Variants in ABLIM3 observed in about 807,000 individuals in gnomAD.
The protein encoded by ABLIM3 is actin binding LIM protein family member 3.
Under a neutral mutation model 109.5 loss-of-function variants are expected in ABLIM3, and 61 were observed. That is an observed-to-expected ratio of 0.56 (90% CI 0.45 to 0.69). The LOEUF is 0.69. Ranked by LOEUF, ABLIM3 falls within the 30% of genes least tolerant of loss-of-function variation. The pLI is 0.00. For synonymous variants in ABLIM3, 300 were observed against 324.8 expected, an observed-to-expected ratio of 0.92 and a Z score of 0.82; for missense variants, 796 against 889.5, an observed-to-expected ratio of 0.89 and a Z score of 1.34.
rs1755068333 is a variant in ABLIM3, at chr5:149,168,761, A to G, written c.14-14691A>G. Reference sequence around the variant, plus strand: ...GGATATTGGCACATGATATGGTGACAGCGCTTTTGATACACATTAGTATCA... The same window carrying G: ...GGATATTGGCACATGATATGGTGACGGCGCTTTTGATACACATTAGTATCA... On this transcript the variant is annotated intron_variant, in intron 2 of 23. Coordinates refer to ENST00000309868, the MANE Select transcript of ABLIM3 (RefSeq NM_014945.5). Among the ~76,000 whole-genome samples, 3 of 152,348 alleles carry G rather than the reference A, an allele frequency of 2.0e-5. No homozygotes were observed. In the South Asian group the frequency reaches 6.2e-4, roughly 32 times the overall value.
chr5:149,260,526 G>A lies in ABLIM3; in HGVS notation c.*2122G>A, dbSNP rs971063293. On this transcript the variant is annotated 3_prime_UTR_variant, in exon 24 of 24. Transcript: ENST00000309868. Reference sequence around the variant, plus strand: ...ACCCTGCACATTTTTCAAAATGAAAGCACCAAAACAGCAGCCACTCCTTTG... The same window carrying A: ...ACCCTGCACATTTTTCAAAATGAAAACACCAAAACAGCAGCCACTCCTTTG... The A allele has an allele frequency of 1.3e-5, 2 of 152,478 alleles. No homozygotes were observed. Among genetic ancestry groups the A allele is most frequent in the African/African-American group, 4.8e-5 (2 of 41,404 alleles). 9.4% of individuals were successfully genotyped at this position (152,478 alleles called of 1,614,324 possible).
intron 19 of ABLIM3, among the ~76,000 whole-genome samples, chr5:149,250,085 C>T (rs970922118): frequency 1.3e-5 from 2 of 152,248 alleles, no homozygotes; most frequent in African/African-American, 2.4e-5. Context: ...ACCTCTTCCA[C>T]CACCTGGGAG....
intron 4 of ABLIM3, 117 bp from the exon 5 acceptor site, chr5:149,200,199 G>A (rs1220985138): frequency 2.1e-5 from 17 of 812,518 alleles, no homozygotes; most frequent in Admixed American, 6.1e-5. Flanking sequence ...TTGAATTTGC[G>A]TGGTGCTCTA....
At chr5:149,252,167 C>T (rs1312846209) in intron 21 of ABLIM3, 34 bp from the exon 22 acceptor site, 1 of 1,613,370 alleles carries the variant, frequency 6.2e-7, no homozygotes, top group Non-Finnish European at 8.5e-7. Context: ...TGATGGGCTC[C>T]ATTCTGTGTG....
At chr5:149,236,990 A>G (rs1043493591) in intron 10 of ABLIM3, among the ~76,000 whole-genome samples, 6 of 152,140 alleles carry the variant, frequency 3.9e-5, no homozygotes, top group African/African-American at 1.4e-4. Context: ...TACCATCTTC[A>G]TCTTCTTCTT....
At chr5:149,143,743 G>C (rs1752691193) in intron 2 of ABLIM3, among the ~76,000 whole-genome samples, 1 of 152,116 alleles carries the variant, frequency 6.6e-6, no homozygotes, top group East Asian at 1.9e-4. Flanking sequence ...TGGTGTTTTG[G>C]CTTCATACCA....
At position 149,210,759 on chromosome 5, in the gene ABLIM3, T is replaced by G. The variant is rs1759461763; in HGVS notation, c.609T>G (p.His203Gln). The G allele has an allele frequency of 6.2e-7, 1 of 1,614,140 alleles. No individual in the cohort carries two copies. Among genetic ancestry groups the G allele is most frequent in the East Asian group, 2.2e-5 (1 of 44,886 alleles). ...TTCCATACTGTGAGTCCGACTACCATGCCCAGTTTGGCATTAAATGTGAGA... is the reference window on the plus strand; with the variant it reads ...TTCCATACTGTGAGTCCGACTACCAGGCCCAGTTTGGCATTAAATGTGAGA... ...DGVPYCESDY[H>Q]AQFGIKCETC... is the part of the protein sequence containing the mutation. Residue 203 changes from histidine to glutamine, a missense_variant, in exon 7 of 24, where the codon CAT (histidine) becomes CAG (glutamine). Coordinates refer to ENST00000309868, the MANE Select transcript of ABLIM3 (RefSeq NM_014945.5).
chr5:149,221,760 G>T (rs898989413), intron 8 of ABLIM3, among the ~76,000 whole-genome samples: 1 of 152,072 alleles, frequency 6.6e-6, no homozygotes, highest in African/African-American at 2.4e-5. Flanking sequence ...AAATCCCAAA[G>T]GTTGCAGTTA....
intron 2 of ABLIM3, among the ~76,000 whole-genome samples, chr5:149,170,790 G>A (rs935670280): frequency 1.3e-5 from 2 of 152,108 alleles, no homozygotes; most frequent in Non-Finnish European, 2.9e-5. Context: ...TGATTTGGGG[G>A]GAGGATCTTT....
At chr5:149,238,801 G>A (rs1752493905) in intron 11 of ABLIM3, among the ~76,000 whole-genome samples, 1 of 152,154 alleles carries the variant, frequency 6.6e-6, no homozygotes, top group Non-Finnish European at 1.5e-5. Flanking sequence ...CTTGTTGGTG[G>A]CCCCAGCCTG....
At chr5:149,205,519 A>C (rs930167938) in intron 5 of ABLIM3, among the ~76,000 whole-genome samples, 4 of 152,130 alleles carry the variant, frequency 2.6e-5, no homozygotes, top group African/African-American at 7.2e-5. Flanking sequence ...GTTCCTCTAT[A>C]CTGAGCTTGG....
At chr5:149,173,380 A>G (rs952356517) in intron 2 of ABLIM3, among the ~76,000 whole-genome samples, 2 of 152,180 alleles carry the variant, frequency 1.3e-5, no homozygotes, top group Non-Finnish European at 2.9e-5. Context: ...CCTGACTTGC[A>G]TTGTCTAGCC....
At chr5:149,237,722 A>G in intron 11 of ABLIM3, 119 bp downstream of exon 11, 1 of 1,338,812 alleles carries the variant, frequency 7.5e-7, no homozygotes, top group Non-Finnish European at 1.0e-6. Context: ...AGACTCTTCT[A>G]CACTGGGATT....
rs539611967 is a variant in ABLIM3 at position 149,168,965 on chromosome 5, T to A, written c.14-14487T>A. ...GGCCCAGGAATCTGTATTTTAACAA[T>A]CCCGCTCCCCACCCCGGTGATTCTG... On this transcript the variant is annotated intron_variant, in intron 2 of 23. Coordinates refer to ENST00000309868, the MANE Select transcript of ABLIM3 (RefSeq NM_014945.5). Among the ~76,000 whole-genome samples the A allele has an allele frequency of 7.4e-5, 11 of 149,648 alleles. No homozygotes were observed. In the South Asian group the frequency reaches 2.3e-3, roughly 31 times the overall value.
chr5:149,200,702 CT>C, intron 5 of ABLIM3: 1 of 470,692 alleles, frequency 2.1e-6, no homozygotes, highest in Non-Finnish European at 3.9e-6. Flanking sequence ...AGCTGAGTTC[CT>C]GATCTTATGT....
At chr5:149,184,485 A>G (rs1053479895) in intron 3 of ABLIM3, among the ~76,000 whole-genome samples, 3 of 152,174 alleles carry the variant, frequency 2.0e-5, no homozygotes, top group Non-Finnish European at 4.4e-5. Flanking sequence ...TCCCCATGTC[A>G]AACTATATCA....
intron 2 of ABLIM3, among the ~76,000 whole-genome samples, chr5:149,164,605 A>G (rs1292042569): frequency 6.6e-6 from 1 of 152,156 alleles, no homozygotes; most frequent in Non-Finnish European, 1.5e-5. Context: ...CAAGACATCC[A>G]AGGATTCTGA....
At chr5:149,187,318 C>T (rs1016949945) in intron 3 of ABLIM3, among the ~76,000 whole-genome samples, 6 of 152,132 alleles carry the variant, frequency 3.9e-5, no homozygotes, top group African/African-American at 1.4e-4. Context: ...ATCAAAGAGC[C>T]GATCTTAAAA....
At chr5:149,175,435 G>A (rs1469655700) in intron 2 of ABLIM3, among the ~76,000 whole-genome samples, 1 of 152,174 alleles carries the variant, frequency 6.6e-6, no homozygotes, top group Non-Finnish European at 1.5e-5. Flanking sequence ...AAGTTAGGGA[G>A]GGCAGAAAGG....
Sources: gnomAD v4.1 joint callset for allele counts (sites outside exome capture counted in the v4.1 genomes callset) on GRCh38, gnomAD v4.1.1 for gene constraint, MANE v1.5 for transcripts, NCBI Gene and HGNC (gene_info 2026-07-23, HGNC 2026-07-21) for gene names.